NDST3: variants seen among roughly 807,000 people sequenced by gnomAD.
NDST3 encodes bifunctional heparan sulfate N-deacetylase/N-sulfotransferase 3.
In NDST3, 58 loss-of-function variants were observed where a neutral mutation model predicts 96.1. That is an observed-to-expected ratio of 0.60 (90% confidence interval 0.49 to 0.75). The LOEUF is 0.75. NDST3 is among the 30% of genes least tolerant of loss of function. The pLI is 0.00. For missense variants in NDST3, 788 were observed against 1,034.2 expected (o/e 0.76, Z 3.27); for synonymous variants, 333 against 359.7 (o/e 0.93, Z 0.84).
Position 118,141,350 on chromosome 4 carries a change from A to G in NDST3, c.1411-2206A>G, listed in dbSNP as rs1055547243. ...CATGCTCATCATTCGGTGCCACTGC[A>G]TTTATGGAGCAAGGCAGTGGAATAT... On this transcript the variant is annotated intron_variant, in intron 5 of 13. Coordinates refer to ENST00000296499, the MANE Select transcript of NDST3 (RefSeq NM_004784.3). 2.6e-5 allele frequency among the ~76,000 whole-genome samples: 4 copies of G among 152,108 alleles called. No individual in the cohort carries two copies. In the East Asian group the frequency reaches 5.8e-4, roughly 22 times the overall value.
At chr4:118,237,672 A>G (rs1740731984) in intron 10 of NDST3, among the ~76,000 whole-genome samples, 1 of 152,192 alleles carries the variant, frequency 6.6e-6, no homozygotes, top group Admixed American at 6.5e-5. Flanking sequence ...GCCATAGACA[A>G]TATGTAAATG....
intron 3 of NDST3, among the ~76,000 whole-genome samples, chr4:118,106,804 T>G (rs758646106): frequency 1.2e-4 from 19 of 152,044 alleles, no homozygotes; most frequent in Non-Finnish European, 2.2e-4. Flanking sequence ...AAAAAAAATC[T>G]AATTGGCTGG....
intron 2 of NDST3, among the ~76,000 whole-genome samples, chr4:118,082,819 C>G (rs1289613194): frequency 1.3e-5 from 2 of 152,114 alleles, no homozygotes; most frequent in African/African-American, 4.8e-5. Context: ...ACTCACCGTT[C>G]CATGGGCTGT....
chr4:118,070,159 C>A (rs888712867), intron 2 of NDST3, among the ~76,000 whole-genome samples: 1 of 152,086 alleles, frequency 6.6e-6, no homozygotes, highest in African/African-American at 2.4e-5. Flanking sequence ...GGGTTTGTTT[C>A]TTTTCCTGGG....
chr4:118,133,427 G>C (rs1732805787), intron 4 of NDST3, among the ~76,000 whole-genome samples: 1 of 152,156 alleles, frequency 6.6e-6, no homozygotes, highest in South Asian at 2.1e-4. Context: ...GCACTTCATG[G>C]CCACTGCCGG....
At chr4:118,100,784 C>T (rs535056323) in intron 2 of NDST3, among the ~76,000 whole-genome samples, 61 of 152,234 alleles carry the variant, frequency 4.0e-4, no homozygotes, top group African/African-American at 1.4e-3. Flanking sequence ...GGGAAAGCCA[C>T]TTAAACTATG....
intron 3 of NDST3, among the ~76,000 whole-genome samples, chr4:118,111,392 T>G (rs895337765): frequency 1.3e-5 from 2 of 152,116 alleles, no homozygotes; most frequent in Admixed American, 6.5e-5. Flanking sequence ...ATTGAGGAAT[T>G]TGACTTCTTG....
chr4:118,203,427 T>G (rs1055922394), intron 6 of NDST3, among the ~76,000 whole-genome samples: 5 of 152,196 alleles, frequency 3.3e-5, no homozygotes, highest in African/African-American at 1.2e-4. Context: ...CAGCTGTGAA[T>G]CCATCTGAGC....
chr4:118,190,766 C>T (rs1737254399), intron 6 of NDST3, among the ~76,000 whole-genome samples: 1 of 152,150 alleles, frequency 6.6e-6, no homozygotes, highest in South Asian at 2.1e-4. Context: ...CCAGACCTCA[C>T]CATGGCCACC....
chr4:118,138,338 G>C, intron 5 of NDST3, 99 bp downstream of exon 5: 1 of 1,071,068 alleles, frequency 9.3e-7, no homozygotes, highest in Non-Finnish European at 1.3e-6. Flanking sequence ...CATAAATGTA[G>C]GAAAAGCTCC....
intron 10 of NDST3, among the ~76,000 whole-genome samples, 164 bp from the exon 11 acceptor site, chr4:118,240,360 G>A (rs1046812376): frequency 5.3e-5 from 8 of 152,124 alleles, no homozygotes; most frequent in African/African-American, 1.9e-4. Context: ...TTTAAATCCT[G>A]ATGCTCCAAG....
At chr4:118,064,419 G>T (rs1035401076) in intron 2 of NDST3, among the ~76,000 whole-genome samples, 1 of 151,906 alleles carries the variant, frequency 6.6e-6, no homozygotes. Context: ...GTACAAAATG[G>T]ATCTTAAAAT....
At position 118,053,827 on chromosome 4, in the gene NDST3, A is replaced by G; in HGVS notation, c.-84A>G. On this transcript the variant is annotated 5_prime_UTR_variant, in exon 2 of 14. Transcript: ENST00000296499. ...ATGGTGACATAAACTCTTGACAGAGATTGGAAAAGTAGCTGGAACACCATC... is the reference window on the plus strand; with the variant it reads ...ATGGTGACATAAACTCTTGACAGAGGTTGGAAAAGTAGCTGGAACACCATC... 6.9e-7 allele frequency: 1 copy of G among 1,446,726 alleles called. No homozygotes were observed. The highest frequency in any genetic ancestry group is 9.3e-7 in the Non-Finnish European group (1 of 1,079,406). The allele number at this position is 1,446,726 out of a possible 1,614,324, so 89.6% of individuals were successfully genotyped here.
At chr4:118,207,341 G>T (rs1738501772) in intron 6 of NDST3, among the ~76,000 whole-genome samples, 1 of 144,694 alleles carries the variant, frequency 6.9e-6, no homozygotes, top group African/African-American at 2.5e-5. Flanking sequence ...GGACTTAGAA[G>T]AACAGAAATT....
At chr4:118,084,641 C>T (rs2125822389) in intron 2 of NDST3, among the ~76,000 whole-genome samples, 1 of 152,222 alleles carries the variant, frequency 6.6e-6, no homozygotes, top group East Asian at 1.9e-4. Flanking sequence ...GATAATAAGC[C>T]TGCAATAATA....
At chr4:118,092,031 C>T (rs1339362110) in intron 2 of NDST3, among the ~76,000 whole-genome samples, 1 of 142,986 alleles carries the variant, frequency 7.0e-6, no homozygotes, top group African/African-American at 2.5e-5. Context: ...ACTTACAACT[C>T]TGTGAGGTAG....
At chr4:118,186,498 C>T (rs1237770402) in intron 6 of NDST3, among the ~76,000 whole-genome samples, 4 of 152,224 alleles carry the variant, frequency 2.6e-5, no homozygotes, top group Middle Eastern at 3.4e-3. Flanking sequence ...GGACAGGAGG[C>T]GTCCAGCACA....
intron 6 of NDST3, among the ~76,000 whole-genome samples, chr4:118,214,258 T>C (rs1739043978): frequency 6.6e-6 from 1 of 152,126 alleles, no homozygotes; most frequent in African/African-American, 2.4e-5. Flanking sequence ...GGCATTATCA[T>C]GATGGACTCT....
intron 6 of NDST3, among the ~76,000 whole-genome samples, chr4:118,185,386 A>G (rs1251892400): frequency 1.3e-5 from 2 of 151,534 alleles, no homozygotes; most frequent in African/African-American, 2.4e-5. Flanking sequence ...AAAATTTGTG[A>G]TGATAAATGC....
Sources: gnomAD v4.1 joint callset for allele counts (sites outside exome capture counted in the v4.1 genomes callset) on GRCh38, gnomAD v4.1.1 for gene constraint, MANE v1.5 for transcripts, NCBI Gene and HGNC (gene_info 2026-07-23, HGNC 2026-07-21) for gene names.